Variants in DMRT2 observed in about 807,000 individuals in gnomAD.
DMRT2 encodes doublesex- and mab-3-related transcription factor 2.
In DMRT2, 33 loss-of-function variants were observed where a neutral mutation model predicts 43.5. The ratio of observed to expected loss-of-function variants is 0.76; its 90% CI spans 0.58 to 1.01. DMRT2 has a LOEUF of 1.01. DMRT2 is among the 50% of genes least tolerant of loss of function. DMRT2 has a pLI of 0.00. For synonymous variants in DMRT2, 395 were observed against 309.2 expected (o/e 1.28, Z -2.91); for missense variants, 1,064 against 748.0 (o/e 1.42, Z -4.93).
intron 2 of DMRT2, 116 bp from the exon 3 acceptor site, chr9:1,053,606 T>G (rs972105580): frequency 1.1e-6 from 1 of 901,596 alleles, no homozygotes; most frequent in Non-Finnish European, 1.7e-6. Flanking sequence ...AATGGGAAAA[T>G]TCAATACATT....
At position 1,056,640 on chromosome 9, in the gene DMRT2, C is replaced by A. The variant is rs113748895; in HGVS notation, c.1053C>A (p.Ser351Arg). The stretch of plus-strand genomic sequence containing the variant: ...TTTGGCCCAAGTGTGGCCCCATTAG[C>A]GACACCCTCCTCTACCAGCAATGCC... ...FLVWPKCGPI[S>R]DTLLYQQCLL... is the part of the protein sequence containing the mutation. The change falls in exon 4 of 4, where the codon AGC (serine) becomes AGA (arginine). Residue 351 changes from serine (S) to arginine (R), a missense_variant. By Grantham distance (110) the Ser-to-Arg change is moderately radical. Coordinates refer to ENST00000358146, the MANE Select transcript of DMRT2 (RefSeq NM_181872.6). 4 of 1,614,188 alleles carry A rather than the reference C, an allele frequency of 2.5e-6. No homozygotes were observed. In the East Asian group the frequency reaches 8.9e-5, roughly 36 times the overall value.
Position 1,051,761 on chromosome 9 carries a change from G to A in DMRT2, c.148G>A (p.Glu50Lys). 6.5e-7 allele frequency: 1 copy of A among 1,527,190 alleles called. No homozygotes were observed. The highest frequency in any genetic ancestry group is 8.8e-7 in the Non-Finnish European group (1 of 1,139,946). The allele number at this position is 1,527,190 out of a possible 1,614,324, so 94.6% of individuals were successfully genotyped here. Reference sequence around the variant, plus strand: ...GGCGGACGGGGACTGCGAGGACGACGAAGATGACGACGGGGTGGACGAAGA... The same window carrying A: ...GGCGGACGGGGACTGCGAGGACGACAAAGATGACGACGGGGTGGACGAAGA... ...PPADGDCEDDEDDDGVDEDAE... is the reference protein window; with the variant it reads ...PPADGDCEDDKDDDGVDEDAE... Residue 50 changes from glutamate (E) to lysine (K), a missense_variant, in exon 2 of 4, where the codon GAA becomes AAA. Glu to Lys is a moderately conservative substitution (Grantham distance 56). Coordinates refer to ENST00000358146, the MANE Select transcript of DMRT2 (RefSeq NM_181872.6). This position sits in a 1 kb window ranked among gnomAD's most constrained non-coding sequence, Gnocchi z 5.9.
In DMRT2 at chr9:1,056,975, C is replaced by T; in HGVS notation, c.1388C>T (p.Pro463Leu). The change falls in exon 4 of 4, where the codon CCT becomes CTT. Residue 463 changes from proline to leucine, a missense_variant. Coordinates refer to ENST00000358146, the MANE Select transcript of DMRT2 (RefSeq NM_181872.6). ...TKISKENTRH[P>L]LPLRHNPFHS... Reference sequence around the variant, plus strand: ...ATCAGCAAAGAAAACACCAGGCACCCTCTGCCACTTAGACATAATCCATTC... The same window carrying T: ...ATCAGCAAAGAAAACACCAGGCACCTTCTGCCACTTAGACATAATCCATTC... 6.2e-7 allele frequency: 1 copy of T among 1,614,204 alleles called. No individual in the cohort carries two copies.
rs553542064 is a variant in DMRT2 at position 1,055,892 on chromosome 9, G to C, written c.629-324G>C. On this transcript the variant is annotated intron_variant, in intron 3 of 3. Transcript: ENST00000358146. Reference sequence around the variant, plus strand: ...GATAAATAGTCTTGTCTCTTAATGCGTAGGGGGCCTGGGAAGAATATTAAA... The same window carrying C: ...GATAAATAGTCTTGTCTCTTAATGCCTAGGGGGCCTGGGAAGAATATTAAA... The C allele has an allele frequency of 8.8e-6, 13 of 1,482,552 alleles. No individual in the cohort carries two copies. In the South Asian group the frequency reaches 1.6e-4, roughly 19 times the overall value. 91.8% of individuals were successfully genotyped at this position (1,482,552 alleles called of 1,614,324 possible). A position where few individuals can be genotyped will look rare whatever the true frequency, so the allele number is the denominator to read the frequency against.
At chr9:1,055,602 T>A in intron 3 of DMRT2, 1 of 927,824 alleles carries the variant, frequency 1.1e-6, no homozygotes, top group Non-Finnish European at 1.5e-6. Flanking sequence ...CACTGTAGAG[T>A]GTGTTTGACT....
chr9:1,056,046 A>T, intron 3 of DMRT2, 170 bp from the exon 4 acceptor site: 1 of 1,429,388 alleles, frequency 7.0e-7, no homozygotes, highest in Non-Finnish European at 9.1e-7. Context: ...CCCTCCCAGG[A>T]AACTCTTTCA....
chr9:1,054,881 C>T (rs1252144567), intron 3 of DMRT2, among the ~76,000 whole-genome samples: 1 of 149,284 alleles, frequency 6.7e-6, no homozygotes, highest in Non-Finnish European at 1.5e-5. Context: ...TGTGTGTGTC[C>T]TATAAAAATT....
At position 1,053,771 on chromosome 9, in the gene DMRT2, T is replaced by G; in HGVS notation, c.575T>G (p.Val192Gly). ...CAGAATAATTTCGAGCGCAAAGCTGTGTACCAGAGGCAAGTCAGAGCCCCC... is the reference window on the plus strand; with the variant it reads ...CAGAATAATTTCGAGCGCAAAGCTGGGTACCAGAGGCAAGTCAGAGCCCCC... The part of the protein sequence containing the change: ...GKQNNFERKA[V>G]YQRQVRAPSL... Residue 192 changes from valine (V) to glycine (G), a missense_variant, in exon 3 of 4, where the codon GTG (valine) becomes GGG (glycine). Transcript: ENST00000358146. 6.2e-7 allele frequency: 1 copy of G among 1,614,108 alleles called. No homozygotes were observed. Among genetic ancestry groups the G allele is most frequent in the Non-Finnish European group, 8.5e-7 (1 of 1,180,010 alleles).
rs897807319 is a variant in DMRT2, at chr9:1,050,714, G to C, written c.-106G>C. ...TTTGCATGCACAGCCAGCAGCCCTA[G>C]CGCCAGATCCTAAAGCTGGATATCT... On this transcript the variant is annotated 5_prime_UTR_variant, in exon 1 of 4. An upstream open reading frame in the 5' UTR loses its in-frame stop. Coordinates refer to ENST00000358146, the MANE Select transcript of DMRT2 (RefSeq NM_181872.6). 1.3e-5 allele frequency: 2 copies of C among 152,280 alleles called. No homozygotes were observed. The highest frequency in any genetic ancestry group is 2.9e-5 in the Non-Finnish European group (2 of 68,080). The allele number at this position is 152,280 out of a possible 1,614,324, so 9.4% of individuals were successfully genotyped here.
At chr9:1,053,263 C>T (rs1056211032) in intron 2 of DMRT2, among the ~76,000 whole-genome samples, 67 of 152,300 alleles carry the variant, frequency 4.4e-4, no homozygotes, top group Non-Finnish European at 4.6e-4. Flanking sequence ...CCCACCCTGC[C>T]TGCCCTGCCA....
Position 1,056,801 on chromosome 9 carries a change from C to G in DMRT2, c.1214C>G (p.Pro405Arg), listed in dbSNP as rs1340255024. The change falls in exon 4 of 4, where the codon CCT becomes CGT. Residue 405 changes from proline to arginine, a missense_variant. By Grantham distance (103) the Pro-to-Arg change is moderately radical (BLOSUM62 -2). Transcript: ENST00000358146. ...AAATTGGAAGGTTCCCTGGTGCTGC[C>G]TCACACTCCTGAGATCCAGACCACG... ...PSKLEGSLVL[P>R]HTPEIQTTRS... 10 of 1,614,006 alleles carry G rather than the reference C, an allele frequency of 6.2e-6. No homozygotes were observed. Among genetic ancestry groups the G allele is most frequent in the East Asian group, 2.2e-5 (1 of 44,874 alleles).
Position 1,052,023 on chromosome 9 carries a change from G to A in DMRT2, c.410G>A (p.Gly137Asp), listed in dbSNP as rs1821630227. Residue 137 changes from glycine (G) to aspartate (D), a missense_variant, in exon 2 of 4, where the codon GGC becomes GAC. Physicochemically the swap from Gly to Asp is moderately conservative, Grantham distance 94. Coordinates refer to ENST00000358146, the MANE Select transcript of DMRT2 (RefSeq NM_181872.6). ...CACGGCGTGGTGTCCTGCCTGAAGG[G>A]CCACAAGCGCTTCTGTCGCTGGCGC... ...RNHGVVSCLK[G>D]HKRFCRWRDC... 1.4e-6 allele frequency: 2 copies of A among 1,476,936 alleles called. No homozygotes were observed. Among genetic ancestry groups the A allele is most frequent in the Non-Finnish European group, 1.8e-6 (2 of 1,120,852 alleles). 91.5% of individuals were successfully genotyped at this position (1,476,936 alleles called of 1,614,324 possible).
At chr9:1,054,824 G>GT (rs972824913) in intron 3 of DMRT2, among the ~76,000 whole-genome samples, 2 of 152,054 alleles carry the variant, frequency 1.3e-5, no homozygotes, top group Non-Finnish European at 2.9e-5. Context: ...TTTGGATTCT[G>GT]TTTTTTTCTT....
Position 1,057,385 on chromosome 9 carries a change from TG to T in DMRT2, c.*113del. The T allele has an allele frequency of 1.6e-6, 2 of 1,254,638 alleles. No individual in the cohort carries two copies. The highest frequency in any genetic ancestry group is 2.4e-4 in the Middle Eastern group (1 of 4,246). The allele number at this position is 1,254,638 out of a possible 1,614,324, so 77.7% of individuals were successfully genotyped here. A position where few individuals can be genotyped will look rare whatever the true frequency, so the allele number is the denominator to read the frequency against. On this transcript the variant is annotated 3_prime_UTR_variant, in exon 4 of 4. Transcript: ENST00000358146. ...TGTAAAGAAATTTCTAATGTAAAGA[TG>T]ATGATTTTGAAAAATTTTATATATT... is the stretch of plus-strand genomic sequence containing the variant.
chr9:1,052,432 T>C (rs995994108), intron 2 of DMRT2, among the ~76,000 whole-genome samples: 1 of 152,098 alleles, frequency 6.6e-6, no homozygotes, highest in African/African-American at 2.4e-5. Flanking sequence ...TTTTATTTTT[T>C]TGCATTTTAA....
rs1421462755 is a variant in DMRT2, at chr9:1,056,505, C to T, written c.918C>T (p.Cys306=). The change falls in exon 4 of 4, where the codon TGC becomes TGT. Residue 306 remains cysteine (C), a synonymous_variant. Coordinates refer to ENST00000358146, the MANE Select transcript of DMRT2 (RefSeq NM_181872.6). ...ACTTCTGTAATTTTTTGCCCACCTG[C>T]CTTGATTTAACCATGCAGTATTCAG... ...SKDFCNFLPT[C]LDLTMQYSGS... 1 of 1,614,164 alleles carries T rather than the reference C, an allele frequency of 6.2e-7. No individual in the cohort carries two copies. Among genetic ancestry groups the T allele is most frequent in the Non-Finnish European group, 8.5e-7 (1 of 1,180,028 alleles).
chr9:1,054,549 C>T (rs909541504), intron 3 of DMRT2: 2 of 151,994 alleles, frequency 1.3e-5, no homozygotes, highest in African/African-American at 2.4e-5. Flanking sequence ...GCGAACAGTG[C>T]GAAATCTCTA....
intron 3 of DMRT2, chr9:1,055,975 C>T: frequency 7.1e-7 from 1 of 1,400,802 alleles, no homozygotes; most frequent in Non-Finnish European, 9.2e-7. Flanking sequence ...CCATAACAAC[C>T]ACAACAAGCA....
Position 1,057,020 on chromosome 9 carries a change from C to A in DMRT2, c.1433C>A (p.Thr478Lys), listed in dbSNP as rs1425487042. ...CCATTCCACTCATTATTCCAGCAAA[C>A]ACTTACTGACAAATCGGGTCCTGAG... ...HNPFHSLFQQ[T>K]LTDKSGPELK... The change falls in exon 4 of 4, where the codon ACA becomes AAA. Residue 478 changes from threonine to lysine, a missense_variant. Transcript: ENST00000358146. The A allele has an allele frequency of 1.2e-6, 2 of 1,614,094 alleles. No homozygotes were observed. The highest frequency in any genetic ancestry group is 2.7e-5 in the African/African-American group (2 of 74,918).
Sources: allele counts gnomAD v4.1 joint callset (sites outside exome capture counted in the v4.1 genomes callset), GRCh38; gene constraint gnomAD v4.1.1; non-coding constraint Gnocchi (gnomAD v3.1); transcripts MANE v1.5; gene names NCBI Gene and HGNC (gene_info 2026-07-23, HGNC 2026-07-21).